The following DYNC2LI1 variants were observed in gnomAD, a reference collection of about 807,000 sequenced individuals.
DYNC2LI1 encodes dynein cytoplasmic 2 light intermediate chain 1.
In DYNC2LI1, 45 loss-of-function variants were observed where a neutral mutation model predicts 51.9. The ratio of observed to expected loss-of-function variants is 0.87; its 90% CI spans 0.68 to 1.11. DYNC2LI1 has a LOEUF of 1.11. Ranked by LOEUF, DYNC2LI1 falls within the 50% of genes most tolerant of loss-of-function variation. The pLI, the probability that DYNC2LI1 is intolerant of heterozygous loss-of-function variation, is 0.00. For synonymous variants in DYNC2LI1, 130 were observed against 137.8 expected (o/e 0.94, Z 0.40); for missense variants, 490 against 417.4 (o/e 1.17, Z -1.51).
the DYNC2LI1 span, chr2:43,823,853 A>G: frequency 2.5e-6 from 4 of 1,577,414 alleles, no homozygotes; most frequent in Non-Finnish European, 3.5e-6. Context: ...GTAAGGTTAC[A>G]GCTGGAGAAG....
the DYNC2LI1 span, chr2:43,825,039 G>C: frequency 2.5e-6 from 4 of 1,612,604 alleles, no homozygotes; most frequent in Non-Finnish European, 3.4e-6. Flanking sequence ...AACAGACGTA[G>C]TTAGTGTGTG....
the DYNC2LI1 span, chr2:43,822,573 C>A: frequency 2.0e-6 from 2 of 985,204 alleles, no homozygotes; most frequent in Non-Finnish European, 2.4e-6. Context: ...TTCCCAGGCA[C>A]ATGTCATCTT....
chr2:43,804,278 A>C (rs1666166594), intron 10 of DYNC2LI1, among the ~76,000 whole-genome samples: 2 of 152,206 alleles, frequency 1.3e-5, no homozygotes, highest in African/African-American at 4.8e-5. Flanking sequence ...TTTTTCACTG[A>C]TAACAAATTA....
chr2:43,826,459 C>G, the DYNC2LI1 span: 1 of 1,614,102 alleles, frequency 6.2e-7, no homozygotes, highest in Non-Finnish European at 8.5e-7. Flanking sequence ...ACCAGGAGGA[C>G]GACAATCTGA....
chr2:43,801,799 C>A, intron 10 of DYNC2LI1, 90 bp downstream of exon 10: 2 of 914,344 alleles, frequency 2.2e-6, no homozygotes, highest in Admixed American at 2.2e-5. Flanking sequence ...CAACATACTC[C>A]TATTTCTGGT....
intron 5 of DYNC2LI1, among the ~76,000 whole-genome samples, chr2:43,790,937 A>G (rs1440917455): frequency 2.0e-5 from 3 of 152,192 alleles, no homozygotes; most frequent in Non-Finnish European, 4.4e-5. Flanking sequence ...GTGAGGGGCC[A>G]GGTGCGGTGG....
chr2:43,781,096 G>T (rs547678068), intron 2 of DYNC2LI1, among the ~76,000 whole-genome samples: 1 of 152,276 alleles, frequency 6.6e-6, no homozygotes, highest in East Asian at 1.9e-4. Flanking sequence ...GCCAGGCGTG[G>T]TGGCTCAAGA....
intron 3 of DYNC2LI1, 120 bp downstream of exon 3, chr2:43,783,674 C>T: frequency 1.6e-6 from 1 of 614,984 alleles, no homozygotes; most frequent in South Asian, 3.4e-5. Context: ...ATATTTAATT[C>T]TTAGCAAATC....
intron 6 of DYNC2LI1, 148 bp downstream of exon 6, chr2:43,794,791 T>C: frequency 6.7e-7 from 1 of 1,499,900 alleles, no homozygotes; most frequent in Non-Finnish European, 8.9e-7. Context: ...TACAGCAATT[T>C]ATTAAAACCT....
chr2:43,802,583 G>T (rs1056593692), intron 10 of DYNC2LI1, among the ~76,000 whole-genome samples: 58 of 152,114 alleles, frequency 3.8e-4, no homozygotes, highest in Non-Finnish European at 1.5e-5. Flanking sequence ...GAGAATCACT[G>T]TTGTACTGAT....
At chr2:43,819,876 A>G in the DYNC2LI1 span, 56 of 1,605,278 alleles carry the variant, frequency 3.5e-5, 1 homozygote, top group Non-Finnish European at 4.3e-6. Context: ...TTAATAACAG[A>G]TTATCCCAAT....
chr2:43,789,634 C>G lies in DYNC2LI1; in HGVS notation c.233C>G (p.Pro78Arg), dbSNP rs768606087. ...YGRRAKGHNT[P>R]KDIAHFWELG... ...AAATCAAAAATTTTTGTTTTTCAGC[C>G]AAAAGATATCGCTCACTTTTGGGAA... Residue 78 changes from proline (P) to arginine (R), a missense_variant and splice_region_variant, in exon 5 of 13, where the codon CCA becomes CGA. By Grantham distance (103) the Pro-to-Arg change is moderately radical. Coordinates refer to ENST00000260605, the MANE Select transcript of DYNC2LI1 (RefSeq NM_016008.4). The G allele has an allele frequency of 6.2e-7, 1 of 1,612,522 alleles. No homozygotes were observed. The highest frequency in any genetic ancestry group is 2.2e-5 in the East Asian group (1 of 44,806).
chr2:43,826,637 G>T, the DYNC2LI1 span: 2 of 1,490,314 alleles, frequency 1.3e-6, no homozygotes, highest in Non-Finnish European at 9.3e-7. Context: ...AACAGTGTGC[G>T]GTGGGAAGTA....
chr2:43,775,394 A>G (rs2104651766), intron 1 of DYNC2LI1, among the ~76,000 whole-genome samples: 1 of 152,248 alleles, frequency 6.6e-6, no homozygotes, highest in East Asian at 1.9e-4. Flanking sequence ...TAATATATAT[A>G]TGATTTTATC....
At chr2:43,795,029 G>T in intron 6 of DYNC2LI1, 1 of 1,094,686 alleles carries the variant, frequency 9.1e-7, no homozygotes, top group Non-Finnish European at 1.1e-6. Context: ...AGTTGTAATA[G>T]CCTTCACCAT....
At chr2:43,809,261 G>C (rs933342585) in intron 12 of DYNC2LI1, among the ~76,000 whole-genome samples, 1 of 151,970 alleles carries the variant, frequency 6.6e-6, no homozygotes, top group African/African-American at 2.4e-5. Flanking sequence ...CAAAGTGCTG[G>C]GACTATAGGA....
At chr2:43,800,324 G>A (rs1248620281) in intron 8 of DYNC2LI1, among the ~76,000 whole-genome samples, 1 of 152,120 alleles carries the variant, frequency 6.6e-6, no homozygotes, top group Non-Finnish European at 1.5e-5. Context: ...TTAAAAAGAA[G>A]TTAAAAAATT....
the DYNC2LI1 span, among the ~76,000 whole-genome samples, chr2:43,825,384 T>G: frequency 6.6e-6 from 1 of 152,022 alleles, no homozygotes; most frequent in Non-Finnish European, 1.5e-5. Flanking sequence ...TTAGTTTGTT[T>G]TTTTGTTTTC....
downstream of DYNC2LI1, chr2:43,813,225 G>T (rs754363595): frequency 6.2e-7 from 1 of 1,612,972 alleles, no homozygotes; most frequent in Non-Finnish European, 8.5e-7. Context: ...TCTAGATGTT[G>T]CACCTGGGCA....
Sources: gnomAD v4.1 joint callset for allele counts (sites outside exome capture counted in the v4.1 genomes callset) on GRCh38, gnomAD v4.1.1 for gene constraint, MANE v1.5 for transcripts, NCBI Gene and HGNC (gene_info 2026-07-23, HGNC 2026-07-21) for gene names.